CACNA2D3: variants seen among roughly 807,000 people sequenced by gnomAD.
CACNA2D3 encodes the protein calcium voltage-gated channel auxiliary subunit alpha2delta 3.
A neutral mutation model predicts 160.6 loss-of-function variants in CACNA2D3; 60 were observed. The ratio of observed to expected loss-of-function variants is 0.37; its 90% confidence interval spans 0.30 to 0.46. The LOEUF is 0.46. CACNA2D3 is among the 20% of genes least tolerant of loss of function. The pLI, the probability that CACNA2D3 is intolerant of heterozygous loss-of-function variation, is 1.00. For missense variants in CACNA2D3, 1,205 were observed against 1,365.0 expected, an observed-to-expected ratio of 0.88 and a Z score of 1.85; for synonymous variants, 558 against 492.9, an observed-to-expected ratio of 1.13 and a Z score of -1.75.
At chr3:54,411,376 C>G (rs972657225) in intron 4 of CACNA2D3, among the ~76,000 whole-genome samples, 1 of 152,128 alleles carries the variant, frequency 6.6e-6, no homozygotes, top group African/African-American at 2.4e-5. Flanking sequence ...ATTGTTGAAG[C>G]AAACTTCATT....
chr3:54,834,531 A>G (rs1416900329), intron 14 of CACNA2D3, among the ~76,000 whole-genome samples: 1 of 152,200 alleles, frequency 6.6e-6, no homozygotes, highest in African/African-American at 2.4e-5. Context: ...CAGACTGTAT[A>G]TACTGGTTGA....
intron 2 of CACNA2D3, among the ~76,000 whole-genome samples, chr3:54,215,011 G>A (rs562059071): frequency 1.3e-5 from 2 of 151,716 alleles, no homozygotes; most frequent in South Asian, 2.1e-4. Flanking sequence ...TCTTCCAGGC[G>A]TCAGTCAGCT....
intron 13 of CACNA2D3, among the ~76,000 whole-genome samples, chr3:54,810,965 C>G (rs1415296828): frequency 6.6e-6 from 1 of 152,146 alleles, no homozygotes. Flanking sequence ...CCTATTGTTC[C>G]TCACAGGTTG....
intron 2 of CACNA2D3, among the ~76,000 whole-genome samples, chr3:54,227,846 G>A (rs1170075482): frequency 1.3e-5 from 2 of 152,130 alleles, no homozygotes; most frequent in Non-Finnish European, 2.9e-5. Context: ...ACTGCACCCG[G>A]CCTGTCCACG....
At chr3:54,822,795 C>CTTTCT (rs1703655952) in intron 14 of CACNA2D3, among the ~76,000 whole-genome samples, 3 of 62,468 alleles carry the variant, frequency 4.8e-5, no homozygotes, top group South Asian at 5.5e-4. Flanking sequence ...TCTTTCCTTT[C>CTTTCT]TTTCTTTCTT....
intron 35 of CACNA2D3, among the ~76,000 whole-genome samples, chr3:55,024,163 C>T (rs2107167449): frequency 6.9e-6 from 1 of 145,484 alleles, no homozygotes; most frequent in African/African-American, 2.6e-5. Flanking sequence ...TGAGTTCTGA[C>T]TTCACTAATT....
intron 12 of CACNA2D3, among the ~76,000 whole-genome samples, chr3:54,758,312 G>A (rs1278961763): frequency 6.6e-6 from 1 of 152,078 alleles, no homozygotes; most frequent in African/African-American, 2.4e-5. Context: ...AAATTAAAAT[G>A]TAGTCATAGT....
intron 4 of CACNA2D3, among the ~76,000 whole-genome samples, chr3:54,389,284 G>A (rs372831443): frequency 6.9e-5 from 10 of 144,768 alleles, no homozygotes; most frequent in African/African-American, 2.6e-4. Flanking sequence ...AACAAAGAGC[G>A]AAACTCCGTC....
At chr3:54,286,980 A>AGTG in intron 2 of CACNA2D3, among the ~76,000 whole-genome samples, 1 of 152,250 alleles carries the variant, frequency 6.6e-6, no homozygotes, top group African/African-American at 2.4e-5. Flanking sequence ...AACATGCCAA[A>AGTG]TTGAAAAGAC....
intron 35 of CACNA2D3, among the ~76,000 whole-genome samples, chr3:55,022,571 C>CTTCCTTCCTTCTTTCTTTCT (rs1703481637): frequency 2.1e-5 from 1 of 48,496 alleles, no homozygotes; most frequent in Non-Finnish European, 3.5e-5. Flanking sequence ...TCTTTCTTTC[C>CTTCCTTCCTTCTTTCTTTCT]TTCCTTCCTT....
At chr3:54,652,802 A>G (rs1699799685) in intron 11 of CACNA2D3, among the ~76,000 whole-genome samples, 7 of 48,550 alleles carry the variant, frequency 1.4e-4, no homozygotes. Flanking sequence ...TTTTTTTTTG[A>G]GACCGAGTTT....
intron 17 of CACNA2D3, among the ~76,000 whole-genome samples, chr3:54,866,588 A>G (rs541637303): frequency 2.6e-4 from 39 of 152,262 alleles, no homozygotes; most frequent in African/African-American, 7.9e-4. Flanking sequence ...CACACACAAT[A>G]TTTGTTCCAC....
rs1701501274 is a variant in CACNA2D3, at chr3:54,736,036, TATATATATACACATACATATGTATG to T, written c.1168-16562_1168-16538del. ...ATATATACACATACATATATATATG[TATATATATACACATACATATGTATG>T]TATATATATATACATATATATGTAT... On this transcript the variant is annotated intron_variant, in intron 11 of 37. Coordinates refer to ENST00000474759, the MANE Select transcript of CACNA2D3 (RefSeq NM_018398.3). Among the ~76,000 whole-genome samples the T allele has an allele frequency of 7.5e-5, 3 of 39,814 alleles. 1 individual carries two copies. Among genetic ancestry groups the T allele is most frequent in the East Asian group, 7.0e-4 (2 of 2,838 alleles). The allele number at this position is 39,814 out of a possible 152,430, so 26.1% of individuals were successfully genotyped here.
chr3:55,074,160 C>G lies in CACNA2D3; in HGVS notation c.3230C>G (p.Thr1077Arg). The G allele has an allele frequency of 6.2e-7, 1 of 1,613,878 alleles. No homozygotes were observed. ...CGGAPSLQAQ[T>R]VLLLLPLLLM... ...GGTGCGCCGAGTCTCCAAGCCCAGA[C>G]AGTCCTCCTTCTGCTCCCTCTGCTT... The change falls in exon 38 of 38, where the codon ACA (threonine) becomes AGA (arginine). Residue 1077 changes from threonine to arginine, a missense_variant. Around this residue, in one of 3 missense-constraint regions of CACNA2D3, gnomAD observed 911 missense variants for 1,002.2 expected, o/e 0.91. Coordinates refer to ENST00000474759, the MANE Select transcript of CACNA2D3 (RefSeq NM_018398.3).
At chr3:54,789,550 G>GT (rs143552559) in intron 13 of CACNA2D3, among the ~76,000 whole-genome samples, 2,929 of 152,282 alleles carry the variant, frequency 0.019, 99 homozygotes, top group African/African-American at 0.067. Context: ...ACCATATTCA[G>GT]TAAGTAGGCT....
At chr3:54,626,355 C>T (rs1228222329) in intron 9 of CACNA2D3, 1 of 1,557,984 alleles carries the variant, frequency 6.4e-7, no homozygotes, top group Non-Finnish European at 8.7e-7. Context: ...TGAACCGGGG[C>T]CTGCGGCGGA....
At chr3:54,671,373 C>T (rs1700157809) in intron 11 of CACNA2D3, among the ~76,000 whole-genome samples, 1 of 151,882 alleles carries the variant, frequency 6.6e-6, no homozygotes, top group Admixed American at 6.6e-5. Flanking sequence ...CAGAGAGGCT[C>T]TTGGGAGCCT....
At chr3:55,038,620 C>T (rs968584975) in intron 35 of CACNA2D3, among the ~76,000 whole-genome samples, 11 of 152,046 alleles carry the variant, frequency 7.2e-5, no homozygotes, top group East Asian at 3.9e-4. Context: ...TCATGTTAGC[C>T]TGTTAAAGAC....
chr3:54,843,635 G>A (rs1169905093), intron 16 of CACNA2D3, among the ~76,000 whole-genome samples: 2 of 152,248 alleles, frequency 1.3e-5, no homozygotes, highest in Non-Finnish European at 2.9e-5. Flanking sequence ...GGAAAGCAAC[G>A]TGGTCAGAAT....
Sources: gnomAD v4.1 joint callset for allele counts (sites outside exome capture counted in the v4.1 genomes callset) on GRCh38, gnomAD v4.1.1 for gene constraint, gnomAD v4.1.1 regional missense constraint, MANE v1.5 for transcripts, NCBI Gene and HGNC (gene_info 2026-07-23, HGNC 2026-07-21) for gene names.